Variants in NLGN4X observed in about 807,000 individuals in gnomAD.
NLGN4X encodes the protein neuroligin 4 X-linked.
A neutral mutation model predicts 40.3 loss-of-function variants in NLGN4X; 3 were observed. The observed-to-expected ratio is 0.07, with a 90% CI of 0.03 to 0.19. The LOEUF is 0.19. NLGN4X is among the 10% of genes least tolerant of loss of function. NLGN4X has a pLI of 1.00. For missense variants in NLGN4X, 382 were observed against 708.3 expected (o/e 0.54, Z 5.23); for synonymous variants, 270 against 306.8 (o/e 0.88, Z 1.25).
At chrX:6,128,996 G>C (rs139079121) in intron 2 of NLGN4X, among the ~76,000 whole-genome samples, 2 of 111,245 alleles carry the variant, frequency 1.8e-5, no homozygotes, top group Non-Finnish European at 1.9e-5. Context: ...CTGCTGTGTG[G>C]TCTCCTGAAA....
chrX:5,994,236 C>T (rs766927716), intron 3 of NLGN4X, among the ~76,000 whole-genome samples: 6 of 111,761 alleles, frequency 5.4e-5, no homozygotes, highest in Non-Finnish European at 9.4e-5. Context: ...GTTAGTCAGC[C>T]AAGGGTGAGG....
intron 3 of NLGN4X, among the ~76,000 whole-genome samples, chrX:6,002,916 G>A (rs1315092374): frequency 5.4e-5 from 6 of 111,647 alleles, no homozygotes; most frequent in South Asian, 3.8e-4. Flanking sequence ...GATTCTGGCC[G>A]GGGATGACGG....
intron 1 of NLGN4X, among the ~76,000 whole-genome samples, chrX:6,173,465 G>T (rs1454528073): frequency 9.0e-6 from 1 of 111,615 alleles, no homozygotes; most frequent in Admixed American, 9.5e-5. Context: ...ACCAAAAAAA[G>T]ATGACCTCAA....
At position 6,221,391 on chromosome X, in the gene NLGN4X, T is replaced by TTTTATATA. The variant is rs1491106130; in HGVS notation, c.-306+7149_-306+7150insTATATAAA. Among the ~76,000 whole-genome samples the TTTTATATA allele has an allele frequency of 1.7e-3, 93 of 53,341 alleles. 1 individual carries two copies. The highest frequency in any genetic ancestry group is 6.9e-3 in the African/African-American group (91 of 13,259). The allele number at this position is 53,341 out of a possible 115,157, so 46.3% of individuals were successfully genotyped here. A position where few individuals can be genotyped will look rare whatever the true frequency, so the allele number is the denominator to read the frequency against. On this transcript the variant is annotated intron_variant, in intron 1 of 5. Coordinates refer to ENST00000381095, the MANE Select transcript of NLGN4X (RefSeq NM_181332.3). ...GAAAACCACATTTTTCCTTCTTATA[T>TTTTATATA]TATATATATATATATATATATATAT...
intron 3 of NLGN4X, among the ~76,000 whole-genome samples, chrX:5,984,584 G>C (rs902231420): frequency 1.8e-5 from 2 of 111,335 alleles, no homozygotes; most frequent in African/African-American, 6.5e-5. Flanking sequence ...TGAAACGGCA[G>C]AAACTCAAAG....
intron 2 of NLGN4X, among the ~76,000 whole-genome samples, chrX:6,097,412 TAGG>T (rs2038806736): frequency 9.0e-6 from 1 of 111,165 alleles, no homozygotes; most frequent in African/African-American, 3.3e-5. Flanking sequence ...AGAACATAAG[TAGG>T]AGAACAAATA....
intron 2 of NLGN4X, among the ~76,000 whole-genome samples, chrX:6,083,148 C>T (rs1035229944): frequency 5.0e-5 from 5 of 99,202 alleles, no homozygotes; most frequent in East Asian, 3.0e-4. Context: ...TTAGTAGAGA[C>T]GGGGTTTCAC....
chrX:5,924,287 G>T (rs886711059), intron 3 of NLGN4X, among the ~76,000 whole-genome samples: 7 of 109,834 alleles, frequency 6.4e-5, no homozygotes, highest in African/African-American at 2.0e-4. Flanking sequence ...GATCCTATTA[G>T]GTTCAACATA....
At chrX:6,037,527 C>A (rs2037047329) in intron 2 of NLGN4X, among the ~76,000 whole-genome samples, 1 of 110,431 alleles carries the variant, frequency 9.1e-6, no homozygotes, top group Admixed American at 9.7e-5. Flanking sequence ...CAAATGTGAT[C>A]TTATCTAAGC....
chrX:6,221,749 G>GC (rs764696396), intron 1 of NLGN4X, among the ~76,000 whole-genome samples: 130 of 110,639 alleles, frequency 1.2e-3, no homozygotes, highest in Non-Finnish European at 2.2e-3. Flanking sequence ...AGCTTCTTCT[G>GC]CCCCCATCCC....
At chrX:5,922,019 T>C (rs2033089371) in intron 3 of NLGN4X, among the ~76,000 whole-genome samples, 1 of 111,731 alleles carries the variant, frequency 9.0e-6, no homozygotes, top group African/African-American at 3.3e-5. Flanking sequence ...TCTTCTCCTT[T>C]TATCTCCAAC....
At chrX:6,200,688 T>TTTTTTTTTTC (rs1556005151) in intron 1 of NLGN4X, among the ~76,000 whole-genome samples, 17 of 34,761 alleles carry the variant, frequency 4.9e-4, no homozygotes, top group African/African-American at 2.2e-3. Flanking sequence ...TTTCCTTTTC[T>TTTTTTTTTTC]TTTTTTTTTT....
intron 3 of NLGN4X, among the ~76,000 whole-genome samples, chrX:6,026,798 A>G (rs972915801): frequency 1.8e-5 from 2 of 111,582 alleles, no homozygotes; most frequent in African/African-American, 6.5e-5. Context: ...AAAACTCTCC[A>G]TAACAAAAAG....
At chrX:6,148,735 C>T (rs1161569015) in intron 2 of NLGN4X, among the ~76,000 whole-genome samples, 2 of 111,270 alleles carry the variant, frequency 1.8e-5, no homozygotes, top group Admixed American at 9.6e-5. Flanking sequence ...AGGATGGTCT[C>T]GATCTCCTAA....
At chrX:6,058,330 T>A (rs1005525760) in intron 2 of NLGN4X, among the ~76,000 whole-genome samples, 1 of 112,094 alleles carries the variant, frequency 8.9e-6, no homozygotes, top group African/African-American at 3.2e-5. Context: ...GTGTTTAAGA[T>A]ACTAAATCTG....
At chrX:6,079,021 C>T (rs2038277058) in intron 2 of NLGN4X, among the ~76,000 whole-genome samples, 1 of 111,882 alleles carries the variant, frequency 8.9e-6, no homozygotes, top group African/African-American at 3.3e-5. Flanking sequence ...AGGTGCTTTC[C>T]TTCCCTTTCA....
At chrX:6,116,387 CTTTCTTTTTTTTT>C (rs2039295224) in intron 2 of NLGN4X, among the ~76,000 whole-genome samples, 2 of 29,533 alleles carry the variant, frequency 6.8e-5, no homozygotes, top group African/African-American at 2.3e-4. Context: ...TTGAACCTTT[CTTTCTTTTTTTTT>C]TTTTTTTTTT....
rs1212187160 is a variant in NLGN4X at position 5,983,533 on chromosome X, A to G, written c.625+45747T>C. ...CTAGATCAGAGAAATAAACAAAATGAGAAAATGAATGGGTCCACCTAAGGG... is the reference window on the plus strand; with the variant it reads ...CTAGATCAGAGAAATAAACAAAATGGGAAAATGAATGGGTCCACCTAAGGG... On this transcript the variant is annotated intron_variant, in intron 3 of 5. Transcript: ENST00000381095. Among the ~76,000 whole-genome samples, 3 of 112,230 alleles carry G rather than the reference A, an allele frequency of 2.7e-5. No homozygotes were observed. In the East Asian group the frequency reaches 8.4e-4, roughly 31 times the overall value.
In NLGN4X at chrX:5,890,134, G is replaced by C; in HGVS notation, c.*2683C>G. ...ATATATATCTTCTATCATTACTTAA[G>C]GCAAAATAAAAAACAAAACTGCAAA... On this transcript the variant is annotated 3_prime_UTR_variant, in exon 6 of 6. Transcript: ENST00000381095. 4.8e-6 allele frequency: 1 copy of C among 209,152 alleles called. No individual in the cohort carries two copies. Among genetic ancestry groups the C allele is most frequent in the Non-Finnish European group, 8.6e-6 (1 of 115,789 alleles). The allele number at this position is 209,152 out of a possible 1,213,427, so 17.2% of individuals were successfully genotyped here.
Sources: gnomAD v4.1 joint callset for allele counts (sites outside exome capture counted in the v4.1 genomes callset) on GRCh38, gnomAD v4.1.1 for gene constraint, MANE v1.5 for transcripts, NCBI Gene and HGNC (gene_info 2026-07-23, HGNC 2026-07-21) for gene names.